HINFP: variants seen among roughly 807,000 people sequenced by gnomAD.
HINFP encodes the protein MBD2 (methyl-CpG-binding protein)-interacting zinc finger protein.
In HINFP, 20 loss-of-function variants were observed where a neutral mutation model predicts 50.1. The ratio of observed to expected loss-of-function variants is 0.40; its 90% CI spans 0.28 to 0.58. HINFP has a LOEUF of 0.58. Ranked by LOEUF, HINFP falls within the 20% of genes least tolerant of loss-of-function variation. The probability of loss-of-function intolerance (pLI) is 0.45; values close to 1 mark genes in which losing one functional copy is unlikely to be tolerated. For synonymous variants in HINFP, 247 were observed against 243.7 expected (o/e 1.01, Z -0.13); for missense variants, 505 against 664.1 (o/e 0.76, Z 2.63).
chr11:119,125,035 G>GTGTTTTT (rs1420094853), intron 1 of HINFP: 5 of 100,192 alleles, frequency 5.0e-5, no homozygotes, highest in Non-Finnish European at 7.9e-5. Flanking sequence ...GTGTGTGTGT[G>GTGTTTTT]TTTTTTTTTT....
chr11:119,128,986 G>T (rs1157745162), intron 2 of HINFP, among the ~76,000 whole-genome samples: 3 of 151,796 alleles, frequency 2.0e-5, no homozygotes, highest in Non-Finnish European at 4.4e-5. Context: ...AAAATAACTT[G>T]CCCAAAGTCA....
intron 2 of HINFP, among the ~76,000 whole-genome samples, chr11:119,128,094 C>A (rs555737330): frequency 1.3e-5 from 2 of 152,172 alleles, no homozygotes; most frequent in African/African-American, 4.8e-5. Context: ...TCTCATGATC[C>A]GCCCACCTCG....
At position 119,134,593 on chromosome 11, in the gene HINFP, C is replaced by CT; in HGVS notation, c.*98dup. 5.2e-6 allele frequency: 5 copies of CT among 965,428 alleles called. No homozygotes were observed. Among genetic ancestry groups the CT allele is most frequent in the Non-Finnish European group, 7.5e-6 (5 of 664,912 alleles). The allele number at this position is 965,428 out of a possible 1,614,324, so 59.8% of individuals were successfully genotyped here. On this transcript the variant is annotated 3_prime_UTR_variant, in exon 10 of 10. Coordinates refer to ENST00000350777, the MANE Select transcript of HINFP (RefSeq NM_198971.3). This position sits in a 1 kb window ranked among gnomAD's most constrained non-coding sequence, Gnocchi z 4.3. ...GTGGGCAGCCGTTGCCAATGGATGC[C>CT]TTTAGGAGTGGTGCCGAGAGCAGTG...
At chr11:119,124,588 T>A (rs1241860917) in intron 1 of HINFP, 2 of 152,108 alleles carry the variant, frequency 1.3e-5, no homozygotes, top group Non-Finnish European at 2.9e-5. Flanking sequence ...GGGTGCTGAG[T>A]TAAAAGGGCA....
chr11:119,133,515 G>T (rs1251364380), intron 9 of HINFP: 1 of 353,460 alleles, frequency 2.8e-6, no homozygotes, highest in African/African-American at 2.1e-5. Context: ...GAAGGCGGAG[G>T]TTGTAGTGAG....
At position 119,130,899 on chromosome 11, in the gene HINFP, G is replaced by C; in HGVS notation, c.356G>C (p.Arg119Pro). Residue 119 changes from arginine (R) to proline (P), a missense_variant, in exon 3 of 10, where the codon CGG (arginine) becomes CCG (proline). Transcript: ENST00000350777. ...CCCTGCATCCTGGACTTCCAGAGCC[G>C]GAACGTCATCCCTGATATCCCTGAC... ...LGPCILDFQS[R>P]NVIPDIPDHF... 6.2e-7 allele frequency: 1 copy of C among 1,614,218 alleles called. No individual in the cohort carries two copies.
At chr11:119,123,036 G>A (rs2135007582) in intron 1 of HINFP, among the ~76,000 whole-genome samples, 1 of 145,412 alleles carries the variant, frequency 6.9e-6, no homozygotes, top group Admixed American at 7.3e-5. Flanking sequence ...GCTAAGTCAC[G>A]AGAATCGCTT....
rs1285028656 is a variant in HINFP, at chr11:119,134,199, C to G, written c.1255C>G (p.Leu419Val). 3 of 1,614,228 alleles carry G rather than the reference C, an allele frequency of 1.9e-6. No homozygotes were observed. Among genetic ancestry groups the G allele is most frequent in the East Asian group, 4.5e-5 (2 of 44,894 alleles). The change falls in exon 10 of 10, where the codon CTG becomes GTG. Residue 419 changes from leucine to valine, a missense_variant. Transcript: ENST00000350777. The surrounding 1 kb of genome is among the most constrained non-coding windows in gnomAD (Gnocchi z 4.3). The part of the protein sequence containing the change: ...PQEGSGLGTS[L>V]NESSLQGIIL... The stretch of plus-strand genomic sequence containing the variant: ...AGAGGGATCGGGCCTGGGAACGTCG[C>G]TGAACGAGAGCAGCCTGCAGGGCAT...
rs535976778 is a variant in HINFP, at chr11:119,127,118, C to T, written c.174C>T (p.Asp58=). 4 of 1,609,430 alleles carry T rather than the reference C, an allele frequency of 2.5e-6. No homozygotes were observed. Among genetic ancestry groups the T allele is most frequent in the South Asian group, 2.2e-5 (2 of 90,572 alleles). The change falls in exon 2 of 10, where the codon GAC becomes GAT. Residue 58 remains aspartate (D), a synonymous_variant. Coordinates refer to ENST00000350777, the MANE Select transcript of HINFP (RefSeq NM_198971.3). The part of the protein sequence containing the change: ...GEEEEEEEED[D]PLEEEFSCLW... The stretch of plus-strand genomic sequence containing the variant: ...AGGAGGAAGAGGAAGAGGAGGATGA[C>T]CCACTTGGTAAGAGAGCAGGACACA...
In HINFP at chr11:119,134,180, A is replaced by G; in HGVS notation, c.1236A>G (p.Gly412=). The G allele has an allele frequency of 6.2e-7, 1 of 1,614,192 alleles. No individual in the cohort carries two copies. The highest frequency in any genetic ancestry group is 8.5e-7 in the Non-Finnish European group (1 of 1,180,042). ...AACTGCTGCGGCAACCACAAGAGGGATCGGGCCTGGGAACGTCGCTGAACG... is the reference window on the plus strand; with the variant it reads ...AACTGCTGCGGCAACCACAAGAGGGGTCGGGCCTGGGAACGTCGCTGAACG... The part of the protein sequence containing the change: ...TQQLLRQPQE[G]SGLGTSLNES... Residue 412 remains glycine, a synonymous_variant, in exon 10 of 10, where the codon GGA becomes GGG. Transcript: ENST00000350777. The surrounding 1 kb of genome is among the most constrained non-coding windows in gnomAD (Gnocchi z 4.3).
chr11:119,132,782 G>A lies in HINFP; in HGVS notation c.875+1G>A, dbSNP rs1947843247. The A allele has an allele frequency of 6.2e-7, 1 of 1,613,418 alleles. No individual in the cohort carries two copies. Among genetic ancestry groups the A allele is most frequent in the African/African-American group, 1.3e-5 (1 of 74,910 alleles). On this transcript the variant is annotated splice_donor_variant, in intron 7 of 9. Transcript: ENST00000350777. LOFTEE classifies it high-confidence loss of function. Reference sequence around the variant, plus strand: ...TTAAATGTGACTGTTGTGACTACAGGTAAGGGGGACCAGGGACCAGAAAAC... The same window carrying A: ...TTAAATGTGACTGTTGTGACTACAGATAAGGGGGACCAGGGACCAGAAAAC...
chr11:119,130,917 T>C lies in HINFP; in HGVS notation c.374T>C (p.Ile125Thr). Residue 125 changes from isoleucine to threonine, a missense_variant, in exon 3 of 10, where the codon ATC (isoleucine) becomes ACC (threonine). Physicochemically the swap from Ile to Thr is moderately conservative, Grantham distance 89. Transcript: ENST00000350777. ...CAGAGCCGGAACGTCATCCCTGATA[T>C]CCCTGACCACTTCCTGTGTCTGTGG... ...DFQSRNVIPD[I>T]PDHFLCLWEH... 5.6e-6 allele frequency: 9 copies of C among 1,614,194 alleles called. No individual in the cohort carries two copies. The highest frequency in any genetic ancestry group is 6.8e-6 in the Non-Finnish European group (8 of 1,180,034).
In HINFP at chr11:119,127,022, C is replaced by T. The variant is rs531637998; in HGVS notation, c.78C>T (p.Cys26=). 6 of 1,614,154 alleles carry T rather than the reference C, an allele frequency of 3.7e-6. No homozygotes were observed. The highest frequency in any genetic ancestry group is 3.3e-5 in the Admixed American group (2 of 60,018). Residue 26 remains cysteine, a synonymous_variant, in exon 2 of 10, where the codon TGC becomes TGT. Transcript: ENST00000350777. ...QCEWGSCSFV[C]STMEKFFEHV... ...AGTGGGGGTCCTGCTCCTTTGTGTGCTCAACCATGGAAAAGTTCTTTGAGC... is the reference window on the plus strand; with the variant it reads ...AGTGGGGGTCCTGCTCCTTTGTGTGTTCAACCATGGAAAAGTTCTTTGAGC...
At chr11:119,122,323 C>T (rs1393851858) in intron 1 of HINFP, among the ~76,000 whole-genome samples, 1 of 152,108 alleles carries the variant, frequency 6.6e-6, no homozygotes, top group African/African-American at 2.4e-5. Context: ...TTGGACTTAC[C>T]CACCAGTCTA....
rs1947723399 is a variant in HINFP, at chr11:119,131,021, C to T, written c.411+67C>T. ...GGGTCTTAACTCTGATGCCTTGTCC[C>T]TTTCAGGGATGCCTTATATTTCCAA... On this transcript the variant is annotated intron_variant, in intron 3 of 9. Coordinates refer to ENST00000350777, the MANE Select transcript of HINFP (RefSeq NM_198971.3). This position sits in a 1 kb window ranked among gnomAD's most constrained non-coding sequence, Gnocchi z 4.2. 8.0e-7 allele frequency: 1 copy of T among 1,243,180 alleles called. No individual in the cohort carries two copies. The highest frequency in any genetic ancestry group is 1.2e-6 in the Non-Finnish European group (1 of 843,514). The allele number at this position is 1,243,180 out of a possible 1,614,324, so 77.0% of individuals were successfully genotyped here.
At chr11:119,129,318 C>A (rs1010419345) in intron 2 of HINFP, among the ~76,000 whole-genome samples, 1 of 151,724 alleles carries the variant, frequency 6.6e-6, no homozygotes, top group African/African-American at 2.4e-5. Flanking sequence ...GGATTACAGG[C>A]GTGAGCCACT....
intron 2 of HINFP, chr11:119,127,397 A>T: frequency 4.0e-6 from 1 of 251,322 alleles, no homozygotes; most frequent in Admixed American, 5.6e-5. Flanking sequence ...GTGTTTACAT[A>T]TATTTAAATA....
chr11:119,132,018 G>A (rs772719663), intron 5 of HINFP, 36 bp downstream of exon 5: 2 of 1,611,200 alleles, frequency 1.2e-6, no homozygotes, highest in Non-Finnish European at 1.7e-6. Context: ...GATGCAGGCT[G>A]TCCTGCTTGG....
intron 1 of HINFP, among the ~76,000 whole-genome samples, chr11:119,123,377 C>T (rs1592257557): frequency 6.6e-6 from 1 of 152,072 alleles, no homozygotes; most frequent in African/African-American, 2.4e-5. Flanking sequence ...AATAGATGTT[C>T]GTTTCCCTAC....
Sources: allele counts gnomAD v4.1 joint callset (sites outside exome capture counted in the v4.1 genomes callset), GRCh38; gene constraint gnomAD v4.1.1; non-coding constraint Gnocchi (gnomAD v3.1); transcripts MANE v1.5; gene names NCBI Gene and HGNC (gene_info 2026-07-23, HGNC 2026-07-21).